The following HMGCS2 variants were observed in gnomAD, a reference collection of about 807,000 sequenced individuals.
HMGCS2 encodes 3-hydroxy-3-methylglutaryl-CoA synthase 2, also known as hydroxymethylglutaryl-CoA synthase, mitochondrial.
HMGCS2 carries 50 observed loss-of-function variants against 57.4 expected under a neutral mutation model. That is an observed-to-expected ratio of 0.87 (90% CI 0.69 to 1.10). The LOEUF is 1.10. HMGCS2 is among the 50% of genes least tolerant of loss of function. The probability of loss-of-function intolerance (pLI) is 0.00; values close to 1 mark genes in which losing one functional copy is unlikely to be tolerated. For missense variants in HMGCS2, 627 were observed against 636.5 expected, an observed-to-expected ratio of 0.99 and a Z score of 0.16; for synonymous variants, 254 against 245.1, an observed-to-expected ratio of 1.04 and a Z score of -0.34.
At chr1:119,750,130 T>C (rs1486637675) in intron 9 of HMGCS2, among the ~76,000 whole-genome samples, 4 of 152,204 alleles carry the variant, frequency 2.6e-5, no homozygotes, top group African/African-American at 9.7e-5. Context: ...GATATAAGAA[T>C]TGTTACATGA....
At chr1:119,761,413 T>C (rs1003243637) in intron 2 of HMGCS2, among the ~76,000 whole-genome samples, 1 of 151,976 alleles carries the variant, frequency 6.6e-6, no homozygotes. Context: ...TGGGGGAGTA[T>C]TTACAATACT....
chr1:119,754,729 G>A (rs1652776447), intron 6 of HMGCS2, among the ~76,000 whole-genome samples: 1 of 152,056 alleles, frequency 6.6e-6, no homozygotes, highest in Non-Finnish European at 1.5e-5. Context: ...CCTAATAATT[G>A]GTTAAAAAAA....
At chr1:119,749,357 C>T (rs1308589862) in intron 9 of HMGCS2, among the ~76,000 whole-genome samples, 2 of 151,590 alleles carry the variant, frequency 1.3e-5, no homozygotes, top group East Asian at 2.0e-4. Context: ...CTCCCCCTCC[C>T]GCTGACTCTC....
chr1:119,755,025 T>C (rs1475156772), intron 6 of HMGCS2, among the ~76,000 whole-genome samples: 1 of 152,128 alleles, frequency 6.6e-6, no homozygotes, highest in Non-Finnish European at 1.5e-5. Context: ...TTATATTTAT[T>C]TATTTATTTA....
Position 119,750,828 on chromosome 1 carries a change from G to A in HMGCS2, c.1501C>T (p.Arg501Ter), listed in dbSNP as rs781563101. ...TAGACGGGACGCCGGGCATACTTTC[G>A]GCGATGCTGCTCGTCCACTCGCTCC... ...YLERVDEQHR[R>*]KYARRPV is the part of the protein sequence containing the mutation. The change falls in exon 9 of 10, where the codon CGA becomes TGA. Residue 501 changes from arginine to a stop codon, truncating the protein, a stop_gained. Coordinates refer to ENST00000369406, the MANE Select transcript of HMGCS2 (RefSeq NM_005518.4). LOFTEE classifies it high-confidence loss of function. The A allele has an allele frequency of 1.4e-5, 22 of 1,613,782 alleles. No homozygotes were observed. The Middle Eastern group carries it at 5.0e-4, about 36-fold the overall frequency.
chr1:119,768,608 G>T (rs1417788009), intron 1 of HMGCS2, 133 bp downstream of exon 1: 2 of 713,298 alleles, frequency 2.8e-6, no homozygotes, highest in African/African-American at 3.5e-5. Flanking sequence ...ACCCTTTAAA[G>T]TTAACTTGCT....
intron 5 of HMGCS2, among the ~76,000 whole-genome samples, chr1:119,756,967 ACTCTCTTTCTCCCTTC>A (rs201255052): frequency 1.3e-5 from 2 of 151,488 alleles, no homozygotes; most frequent in African/African-American, 2.4e-5. Context: ...TGATTTAGCT[ACTCTCTTTCTCCCTTC>A]CTCTCTTTCT....
At chr1:119,753,713 A>G (rs1261572642) in intron 6 of HMGCS2, among the ~76,000 whole-genome samples, 1 of 152,170 alleles carries the variant, frequency 6.6e-6, no homozygotes, top group South Asian at 2.1e-4. Context: ...AGGACAGGGT[A>G]AATTCAGTGC....
Position 119,759,241 on chromosome 1 carries a change from T to G in HMGCS2, c.727A>C (p.Lys243Gln). ...THMENVYDFY[K>Q]PNLASEYPIV... ...GGGTACTCCGAGGCCAAATTTGGTT[T>G]GTAGAAGTCATACACATTCTCCATA... The change falls in exon 4 of 10, where the codon AAA becomes CAA. Residue 243 changes from lysine to glutamine, a missense_variant. Lys to Gln is a moderately conservative substitution (Grantham distance 53, BLOSUM62 1). Coordinates refer to ENST00000369406, the MANE Select transcript of HMGCS2 (RefSeq NM_005518.4). The G allele has an allele frequency of 6.2e-7, 1 of 1,614,092 alleles. No individual in the cohort carries two copies. The highest frequency in any genetic ancestry group is 8.5e-7 in the Non-Finnish European group (1 of 1,179,954).
chr1:119,759,181 AGTAGCAC>A lies in HMGCS2; in HGVS notation c.780_786del (p.Gln260HisfsTer37), dbSNP rs1571037483. The A allele has an allele frequency of 6.2e-7, 1 of 1,614,196 alleles. No homozygotes were observed. Among genetic ancestry groups the A allele is most frequent in the South Asian group, 1.1e-5 (1 of 91,082 alleles). ...GTGTAACATCGATCCAAGGCCCGCA[AGTAGCAC>A]TGGATGGAAAGCTTCCCATCCACTA... On this transcript the variant is annotated frameshift_variant, in exon 4 of 10. Coordinates refer to ENST00000369406, the MANE Select transcript of HMGCS2 (RefSeq NM_005518.4). LOFTEE classifies it high-confidence loss of function.
chr1:119,750,338 G>A (rs1557987159), intron 9 of HMGCS2, among the ~76,000 whole-genome samples: 1 of 152,174 alleles, frequency 6.6e-6, no homozygotes, highest in Non-Finnish European at 1.5e-5. Context: ...ATAGGTTCAG[G>A]TTCACAGCCT....
At chr1:119,764,968 T>C (rs1441842717) in intron 1 of HMGCS2, among the ~76,000 whole-genome samples, 3 of 152,244 alleles carry the variant, frequency 2.0e-5, no homozygotes, top group African/African-American at 7.2e-5. Flanking sequence ...TCTCTTGTGA[T>C]CGGTATATAT....
In HMGCS2 at chr1:119,759,148, G is replaced by T. The variant is rs587677809; in HGVS notation, c.820C>A (p.Arg274Ser). The T allele has an allele frequency of 3.1e-6, 5 of 1,613,966 alleles. No individual in the cohort carries two copies. In the South Asian group the frequency reaches 5.5e-5, roughly 18 times the overall value. ...RALDRCYTSY[R>S]KKIQNQWKQA... is the part of the protein sequence containing the mutation. ...TTCCACTGATTCTGGATTTTTTTACGGTATGATGTGTAACATCGATCCAAG... is the reference window on the plus strand; with the variant it reads ...TTCCACTGATTCTGGATTTTTTTACTGTATGATGTGTAACATCGATCCAAG... Residue 274 changes from arginine to serine, a missense_variant, in exon 4 of 10, where the codon CGT (arginine) becomes AGT (serine). Transcript: ENST00000369406.
chr1:119,755,501 G>A lies in HMGCS2; in HGVS notation c.1113C>T (p.Ser371=), dbSNP rs772715543. The A allele has an allele frequency of 2.5e-6, 4 of 1,613,990 alleles. No homozygotes were observed. In the African/African-American group the frequency reaches 5.3e-5, roughly 22 times the overall value. The change falls in exon 6 of 10, where the codon TCC becomes TCT. Residue 371 remains serine (S), a synonymous_variant. Transcript: ENST00000369406. The stretch of plus-strand genomic sequence containing the variant: ...TCCCATTGTGAGTGGAGAGGTAAAG[G>A]GAAGCCTTGGTTTTCTTGTCGAACA... The part of the protein sequence containing the change: ...QDMFDKKTKA[S]LYLSTHNGNM...
intron 1 of HMGCS2, among the ~76,000 whole-genome samples, chr1:119,765,308 C>T (rs368272885): frequency 2.0e-4 from 30 of 152,276 alleles, no homozygotes; most frequent in African/African-American, 6.7e-4. Context: ...CAGGGTTTCA[C>T]CGTGTTAGCC....
Position 119,757,436 on chromosome 1 carries a change from C to T in HMGCS2, c.853G>A (p.Gly285Ser), listed in dbSNP as rs1246961486. ...TCAAGGGTGAAGGGTCGATCGCTGC[C>T]AGCTGGAAGAGGAAGCGTGAAGGCA... ...KKIQNQWKQA[G>S]SDRPFTLDDL... is the part of the protein sequence containing the mutation. Residue 285 changes from glycine (G) to serine (S), a missense_variant and splice_region_variant, in exon 5 of 10, where the codon GGC becomes AGC. By Grantham distance (56) the Gly-to-Ser change is moderately conservative. Coordinates refer to ENST00000369406, the MANE Select transcript of HMGCS2 (RefSeq NM_005518.4). 3.1e-6 allele frequency: 5 copies of T among 1,613,992 alleles called. No homozygotes were observed. The highest frequency in any genetic ancestry group is 4.2e-6 in the Non-Finnish European group (5 of 1,179,890).
intron 1 of HMGCS2, among the ~76,000 whole-genome samples, chr1:119,766,646 A>C (rs587618935): frequency 6.8e-4 from 103 of 152,334 alleles, no homozygotes; most frequent in South Asian, 1.5e-3. Flanking sequence ...GAGCTTCCCC[A>C]GTACCCGGGA....
chr1:119,751,710 A>G, intron 8 of HMGCS2, among the ~76,000 whole-genome samples: 1 of 152,046 alleles, frequency 6.6e-6, no homozygotes, highest in East Asian at 1.9e-4. Context: ...GCCCTGCTCC[A>G]TTTTTATTTT....
chr1:119,754,161 A>G (rs905393412), intron 6 of HMGCS2, among the ~76,000 whole-genome samples: 3 of 151,768 alleles, frequency 2.0e-5, no homozygotes, highest in African/African-American at 7.3e-5. Flanking sequence ...GGTTCAAGCA[A>G]TTCTCATGCC....
Sources: gnomAD v4.1 joint callset for allele counts (sites outside exome capture counted in the v4.1 genomes callset) on GRCh38, gnomAD v4.1.1 for gene constraint, MANE v1.5 for transcripts, NCBI Gene and HGNC (gene_info 2026-07-23, HGNC 2026-07-21) for gene names.